Variants in GULP1 observed in about 807,000 individuals in gnomAD.
GULP1 encodes PTB domain-containing engulfment adapter protein 1.
A neutral mutation model predicts 40.9 loss-of-function variants in GULP1; 19 were observed. The ratio of observed to expected loss-of-function variants is 0.46; its 90% CI spans 0.32 to 0.68. The LOEUF (loss-of-function observed/expected upper bound fraction) is 0.68. GULP1 is among the 30% of genes least tolerant of loss of function. The probability of loss-of-function intolerance (pLI) is 0.03; values close to 1 mark genes in which losing one functional copy is unlikely to be tolerated. For synonymous variants in GULP1, 119 were observed against 117.6 expected (o/e 1.01, Z -0.08); for missense variants, 312 against 362.2 (o/e 0.86, Z 1.12).
chr2:188,532,778 G>GGGTGT (rs1687890880), intron 6 of GULP1, among the ~76,000 whole-genome samples: 2 of 146,918 alleles, frequency 1.4e-5, no homozygotes, highest in Non-Finnish European at 1.5e-5. Context: ...AAAAGTAGCT[G>GGGTGT]GGTGTGGTGG....
intron 1 of GULP1, among the ~76,000 whole-genome samples, chr2:188,365,867 G>A (rs1440458276): frequency 1.3e-5 from 2 of 152,186 alleles, no homozygotes; most frequent in Non-Finnish European, 2.9e-5. Context: ...ACATTTGAAA[G>A]CCATGAATGT....
At chr2:188,580,794 C>A (rs1473588643) in intron 9 of GULP1, among the ~76,000 whole-genome samples, 1 of 152,082 alleles carries the variant, frequency 6.6e-6, no homozygotes, top group Non-Finnish European at 1.5e-5. Flanking sequence ...CCTTAAAATT[C>A]TAATTTTAGT....
At chr2:188,325,038 C>T (rs1048053048) in intron 1 of GULP1, among the ~76,000 whole-genome samples, 3 of 151,984 alleles carry the variant, frequency 2.0e-5, no homozygotes, top group Non-Finnish European at 2.9e-5. Flanking sequence ...CACACACCCA[C>T]ACCCACACAA....
intron 2 of GULP1, among the ~76,000 whole-genome samples, chr2:188,389,914 C>G (rs1208500003): frequency 6.6e-6 from 1 of 151,792 alleles, no homozygotes; most frequent in Non-Finnish European, 1.5e-5. Context: ...GAATAATGGC[C>G]TTGAGCTCCA....
chr2:188,445,761 G>A (rs1324416411), intron 2 of GULP1, among the ~76,000 whole-genome samples: 1 of 152,124 alleles, frequency 6.6e-6, no homozygotes, highest in Non-Finnish European at 1.5e-5. Context: ...TCTTATTCAT[G>A]TTCTATTATT....
intron 4 of GULP1, among the ~76,000 whole-genome samples, chr2:188,509,456 C>G (rs1478100481): frequency 1.3e-5 from 2 of 151,996 alleles, no homozygotes; most frequent in African/African-American, 2.4e-5. Context: ...TAAAAGAAAT[C>G]AATAAATCTG....
At chr2:188,569,793 T>A (rs560572403) in intron 8 of GULP1, 1 of 388,700 alleles carries the variant, frequency 2.6e-6, no homozygotes, top group African/African-American at 2.1e-5. Context: ...GAAAACACAA[T>A]GTTGAGATAT....
chr2:188,570,231 A>T, intron 9 of GULP1, 111 bp downstream of exon 9: 1 of 614,386 alleles, frequency 1.6e-6, no homozygotes, highest in South Asian at 2.0e-5. Flanking sequence ...ATTTCAAAGT[A>T]AACATGGATA....
intron 1 of GULP1, among the ~76,000 whole-genome samples, chr2:188,375,331 G>A (rs1478594206): frequency 1.3e-5 from 2 of 152,186 alleles, no homozygotes; most frequent in Non-Finnish European, 2.9e-5. Flanking sequence ...CTGAATAATA[G>A]CTCACTGAAA....
At chr2:188,317,885 T>A (rs1279605817) in intron 1 of GULP1, among the ~76,000 whole-genome samples, 1 of 152,014 alleles carries the variant, frequency 6.6e-6, no homozygotes, top group African/African-American at 2.4e-5. Flanking sequence ...AAAACTATAG[T>A]TCCATAAGTA....
intron 2 of GULP1, among the ~76,000 whole-genome samples, chr2:188,448,108 A>T (rs1559252632): frequency 6.6e-6 from 1 of 152,232 alleles, no homozygotes. Flanking sequence ...ATTCTGAAAT[A>T]GTGGAATGTA....
At chr2:188,521,566 C>T (rs910246777) in intron 4 of GULP1, among the ~76,000 whole-genome samples, 2 of 152,046 alleles carry the variant, frequency 1.3e-5, no homozygotes, top group African/African-American at 4.8e-5. Context: ...GGCAAGAGAG[C>T]TTGTGTAAGG....
At chr2:188,495,432 A>T (rs772279063) in intron 4 of GULP1, among the ~76,000 whole-genome samples, 1 of 152,110 alleles carries the variant, frequency 6.6e-6, no homozygotes, top group Non-Finnish European at 1.5e-5. Context: ...TGTCAAGGCC[A>T]CCAGGAGAAG....
At chr2:188,589,916 T>C in intron 11 of GULP1, 2 of 405,122 alleles carry the variant, frequency 4.9e-6, no homozygotes, top group African/African-American at 2.1e-5. Flanking sequence ...CATTTTAAGA[T>C]TATTTTTCAG....
chr2:188,455,653 A>G (rs1444313167), intron 2 of GULP1, among the ~76,000 whole-genome samples: 1 of 152,196 alleles, frequency 6.6e-6, no homozygotes, highest in Non-Finnish European at 1.5e-5. Context: ...AAAAGGACTA[A>G]TACAGTAAAT....
chr2:188,376,326 A>T (rs1480553849), intron 1 of GULP1, among the ~76,000 whole-genome samples: 1 of 152,250 alleles, frequency 6.6e-6, no homozygotes, highest in Non-Finnish European at 1.5e-5. Context: ...CCTTTGTATC[A>T]ATTCATAGCT....
Position 188,584,328 on chromosome 2 carries a change from A to G in GULP1, c.673A>G (p.Ile225Val), listed in dbSNP as rs750586464. 3.7e-6 allele frequency: 6 copies of G among 1,606,302 alleles called. No homozygotes were observed. In the Admixed American group the frequency reaches 8.3e-5, roughly 22 times the overall value. The change falls in exon 10 of 12, where the codon ATA (isoleucine) becomes GTA (valine). Residue 225 changes from isoleucine to valine, a missense_variant. By Grantham distance (29) the Ile-to-Val change is conservative (BLOSUM62 3). Coordinates refer to ENST00000409830, the MANE Select transcript of GULP1 (RefSeq NM_016315.4). ...CTTTGATATGATTCCATTTTCTCCA[A>G]TATCACACCAGTCTTCGATGCCTAC... The part of the protein sequence containing the change: ...DIFDMIPFSP[I>V]SHQSSMPTRN...
chr2:188,553,001 G>GT (rs1454993010), intron 7 of GULP1, among the ~76,000 whole-genome samples: 1 of 151,496 alleles, frequency 6.6e-6, no homozygotes, highest in East Asian at 1.9e-4. Flanking sequence ...TACATCATTG[G>GT]TATACAGAAA....
At chr2:188,422,592 TTTTA>T (rs1190822271) in intron 2 of GULP1, among the ~76,000 whole-genome samples, 5 of 152,030 alleles carry the variant, frequency 3.3e-5, no homozygotes, top group Non-Finnish European at 5.9e-5. Context: ...CTCTGATATG[TTTTA>T]TTTATTATGT....
Sources: gnomAD v4.1 joint callset for allele counts (sites outside exome capture counted in the v4.1 genomes callset) on GRCh38, gnomAD v4.1.1 for gene constraint, MANE v1.5 for transcripts, NCBI Gene and HGNC (gene_info 2026-07-23, HGNC 2026-07-21) for gene names.